DNAJB4: variants seen among roughly 807,000 people sequenced by gnomAD.
The protein encoded by DNAJB4 is dnaJ homolog subfamily B member 4.
A neutral mutation model predicts 26.6 loss-of-function variants in DNAJB4; 10 were observed. The ratio of observed to expected loss-of-function variants is 0.38; its 90% CI spans 0.23 to 0.64. The LOEUF (loss-of-function observed/expected upper bound fraction) is 0.64, where lower values mean the gene tolerates loss of function less well. Among genes scored for constraint, DNAJB4 ranks in the 30% least tolerant of loss-of-function variants. DNAJB4 has a pLI of 0.58. For missense variants in DNAJB4, 328 were observed against 408.2 expected (o/e 0.80, Z 1.69); for synonymous variants, 136 against 134.8 (o/e 1.01, Z -0.06).
At chr1:77,992,129 T>G (rs1659944048) in intron 1 of DNAJB4, among the ~76,000 whole-genome samples, 1 of 152,100 alleles carries the variant, frequency 6.6e-6, no homozygotes, top group Admixed American at 6.5e-5. Flanking sequence ...ACATAACAAA[T>G]GAGGCCGGGC....
chr1:77,991,453 A>G (rs1659929514), intron 1 of DNAJB4, among the ~76,000 whole-genome samples: 1 of 152,156 alleles, frequency 6.6e-6, no homozygotes, highest in South Asian at 2.1e-4. Context: ...CAAAATATTT[A>G]AGAACTAGCT....
chr1:78,014,592 C>CTATTAT (rs558264500), intron 2 of DNAJB4, among the ~76,000 whole-genome samples: 1 of 151,742 alleles, frequency 6.6e-6, no homozygotes, highest in Non-Finnish European at 1.5e-5. Flanking sequence ...CAAGTTTGCT[C>CTATTAT]TATTATTATT....
At chr1:77,999,563 T>G (rs77426701) in intron 1 of DNAJB4, among the ~76,000 whole-genome samples, 4,112 of 152,248 alleles carry the variant, frequency 0.027, 143 homozygotes, top group African/African-American at 0.094. Flanking sequence ...ACTTTAATGC[T>G]TTATGCCAAG....
intron 1 of DNAJB4, among the ~76,000 whole-genome samples, chr1:77,987,761 C>T (rs1659827229): frequency 6.6e-6 from 1 of 151,898 alleles, no homozygotes; most frequent in Non-Finnish European, 1.5e-5. Context: ...AGAAGTTCAC[C>T]ACTTCTCATC....
chr1:77,989,599 C>T (rs982657339), intron 1 of DNAJB4, among the ~76,000 whole-genome samples: 14 of 152,146 alleles, frequency 9.2e-5, no homozygotes, highest in African/African-American at 2.9e-4. Context: ...TTAACTATTA[C>T]TACTGAAGCC....
chr1:77,988,045 A>C (rs1215085876), intron 1 of DNAJB4, among the ~76,000 whole-genome samples: 12 of 114,122 alleles, frequency 1.1e-4, no homozygotes, highest in Non-Finnish European at 1.9e-4. Flanking sequence ...CCCCCCCCCC[A>C]GACAGTGTCT....
chr1:78,000,757 G>A (rs1392210447), upstream of DNAJB4, among the ~76,000 whole-genome samples: 3 of 152,172 alleles, frequency 2.0e-5, no homozygotes, highest in African/African-American at 7.2e-5. Context: ...GCCAAGGCGG[G>A]TGAATCACGA....
At position 78,013,079 on chromosome 1, in the gene DNAJB4, T is replaced by C. The variant is rs890768859; in HGVS notation, c.240T>C (p.Asp80=). The change falls in exon 2 of 3, where the codon GAT becomes GAC. Residue 80 remains aspartate (D), a synonymous_variant. Transcript: ENST00000370763. ...TGAAAGGAGGAGCAGGAGGTACTGA[T>C]GGACAAGGAGGTACCTTCCGGTACA... ...EGLKGGAGGT[D]GQGGTFRYTF... 2 of 1,611,878 alleles carry C rather than the reference T, an allele frequency of 1.2e-6. No homozygotes were observed. The highest frequency in any genetic ancestry group is 2.7e-5 in the African/African-American group (2 of 74,894).
At chr1:77,985,441 AT>A (rs1023461984) in intron 1 of DNAJB4, among the ~76,000 whole-genome samples, 2 of 152,142 alleles carry the variant, frequency 1.3e-5, no homozygotes, top group Non-Finnish European at 2.9e-5. Context: ...AAAGGAATTA[AT>A]TTTTTTATAA....
chr1:78,012,159 C>CTTTTTTTTT (rs1270987929), intron 1 of DNAJB4, among the ~76,000 whole-genome samples: 2 of 88,790 alleles, frequency 2.3e-5, no homozygotes, highest in Admixed American at 1.8e-4. Context: ...CTTTTCTTTT[C>CTTTTTTTTT]TTTTTTTTTT....
intron 1 of DNAJB4, among the ~76,000 whole-genome samples, chr1:77,994,655 GAA>G (rs1441532758): frequency 1.3e-5 from 2 of 149,450 alleles, no homozygotes; most frequent in African/African-American, 4.9e-5. Context: ...CCACATATAA[GAA>G]AAGAGTATGA....
chr1:77,982,833 T>G (rs1021461293), intron 1 of DNAJB4, among the ~76,000 whole-genome samples: 3 of 152,108 alleles, frequency 2.0e-5, no homozygotes, highest in Non-Finnish European at 2.9e-5. Context: ...TAGCCCTAAC[T>G]CCTACTCCCA....
chr1:77,980,381 GTATTT>G (rs1659546403), intron 1 of DNAJB4: 1 of 147,796 alleles, frequency 6.8e-6, no homozygotes, highest in Admixed American at 6.8e-5. Flanking sequence ...GTGTAAATTG[GTATTT>G]TATGTTATGT....
At chr1:78,000,443 TG>T (rs1381149115), upstream of DNAJB4, among the ~76,000 whole-genome samples, 1 of 152,198 alleles carries the variant, frequency 6.6e-6, no homozygotes. Flanking sequence ...GTCTTACAGC[TG>T]TAAGTAGTAT....
chr1:78,017,403 A>T lies in DNAJB4; in HGVS notation c.*1156A>T, dbSNP rs754695796. ...TATAAAATAGTTTTCAGGATTATAT[A>T]TATATATACTGGATCCTATCGCCTT... is the stretch of plus-strand genomic sequence containing the variant. On this transcript the variant is annotated 3_prime_UTR_variant, in exon 3 of 3. Coordinates refer to ENST00000370763, the MANE Select transcript of DNAJB4 (RefSeq NM_007034.5). The T allele has an allele frequency of 6.6e-6, 1 of 151,972 alleles. No individual in the cohort carries two copies. Among genetic ancestry groups the T allele is most frequent in the Non-Finnish European group, 1.5e-5 (1 of 67,906 alleles). 9.4% of individuals were successfully genotyped at this position (151,972 alleles called of 1,614,324 possible). A position where few individuals can be genotyped will look rare whatever the true frequency, so the allele number is the denominator to read the frequency against.
intron 1 of DNAJB4, among the ~76,000 whole-genome samples, chr1:77,988,887 T>A (rs1359012207): frequency 2.0e-5 from 3 of 152,240 alleles, no homozygotes; most frequent in African/African-American, 7.2e-5. Flanking sequence ...TGCCTTGGCA[T>A]ATGAAAGGTC....
intron 1 of DNAJB4, among the ~76,000 whole-genome samples, chr1:77,980,546 CT>C (rs1003862170): frequency 6.0e-5 from 9 of 151,182 alleles, no homozygotes; most frequent in Admixed American, 4.0e-4. Context: ...ATCACAGTGA[CT>C]TTTTTTTTCC....
At chr1:77,996,609 C>A (rs1453963174) in intron 1 of DNAJB4, among the ~76,000 whole-genome samples, 2 of 151,864 alleles carry the variant, frequency 1.3e-5, no homozygotes, top group African/African-American at 4.8e-5. Flanking sequence ...TTAAAGACCA[C>A]TAGACAAAAA....
intron 2 of DNAJB4, among the ~76,000 whole-genome samples, chr1:78,015,550 C>CTTTTT (rs766899519): frequency 1.7e-5 from 1 of 57,808 alleles, no homozygotes; most frequent in African/African-American, 5.9e-5. Context: ...TTTCTTTCTT[C>CTTTTT]TTTTTTTTTT....
Sources: gnomAD v4.1 joint callset for allele counts (sites outside exome capture counted in the v4.1 genomes callset) on GRCh38, gnomAD v4.1.1 for gene constraint, MANE v1.5 for transcripts, NCBI Gene and HGNC (gene_info 2026-07-23, HGNC 2026-07-21) for gene names.